ZFPM2: variants seen among roughly 807,000 people sequenced by gnomAD.
ZFPM2 encodes zinc finger protein ZFPM2.
Under a neutral mutation model 98.6 loss-of-function variants are expected in ZFPM2, and 20 were observed. That is an observed-to-expected ratio of 0.20 (90% confidence interval 0.14 to 0.29). The LOEUF (loss-of-function observed/expected upper bound fraction) is 0.29. Among genes scored for constraint, ZFPM2 ranks in the 10% least tolerant of loss-of-function variants. The pLI is 1.00. For synonymous variants in ZFPM2, 518 were observed against 502.7 expected (o/e 1.03, Z -0.41); for missense variants, 1,310 against 1,388.6 (o/e 0.94, Z 0.90).
At chr8:105,777,905 G>T (rs571840945) in intron 5 of ZFPM2, among the ~76,000 whole-genome samples, 35 of 152,084 alleles carry the variant, frequency 2.3e-4, no homozygotes, top group Non-Finnish European at 3.8e-4. Flanking sequence ...CTCTGTGCTG[G>T]GCTCCCTTTT....
chr8:105,532,481 CTA>C (rs1465789329), intron 3 of ZFPM2, among the ~76,000 whole-genome samples: 3 of 152,102 alleles, frequency 2.0e-5, no homozygotes, highest in Non-Finnish European at 4.4e-5. Context: ...TGGTATTGCT[CTA>C]CAGCCATAAG....
rs752813569 is a variant in ZFPM2, at chr8:105,419,116, G to A, written c.41-28G>A. On this transcript the variant is annotated intron_variant, in intron 1 of 7. Coordinates refer to ENST00000407775, the MANE Select transcript of ZFPM2 (RefSeq NM_012082.4). ...TTCACTGTCTTCCTTGCATATTTTTGGTACAGTTTCCCTGATTCTTTTTCA... is the reference window on the plus strand; with the variant it reads ...TTCACTGTCTTCCTTGCATATTTTTAGTACAGTTTCCCTGATTCTTTTTCA... 14 of 1,597,600 alleles carry A rather than the reference G, an allele frequency of 8.8e-6. No individual in the cohort carries two copies. The East Asian group carries it at 2.9e-4, about 33-fold the overall frequency.
intron 4 of ZFPM2, among the ~76,000 whole-genome samples, chr8:105,632,410 G>T (rs1816770900): frequency 6.6e-6 from 1 of 152,050 alleles, no homozygotes; most frequent in Admixed American, 6.6e-5. Flanking sequence ...CCTCAAGTGA[G>T]TCATCCACTT....
At chr8:105,498,018 C>T (rs1453769114) in intron 3 of ZFPM2, among the ~76,000 whole-genome samples, 1 of 143,146 alleles carries the variant, frequency 7.0e-6, no homozygotes, top group East Asian at 2.0e-4. Context: ...AGGCCCTCCC[C>T]GTCTCTACCA....
chr8:105,682,528 C>G (rs1810631151), intron 5 of ZFPM2, among the ~76,000 whole-genome samples: 1 of 152,118 alleles, frequency 6.6e-6, no homozygotes, highest in South Asian at 2.1e-4. Context: ...GAATGGAAAA[C>G]TATTGGAGAG....
chr8:105,387,402 T>C (rs1244532446), intron 1 of ZFPM2: 3 of 156,362 alleles, frequency 1.9e-5, no homozygotes, highest in Non-Finnish European at 4.2e-5. Context: ...TCGGGGAGGC[T>C]CCGGCTGCGC....
At chr8:105,639,651 A>G (rs891609917) in intron 5 of ZFPM2, among the ~76,000 whole-genome samples, 68 of 152,222 alleles carry the variant, frequency 4.5e-4, no homozygotes, top group African/African-American at 1.6e-3. Context: ...ACCCATTTAC[A>G]TGATTGCAGA....
chr8:105,569,229 C>T (rs1330028274), intron 4 of ZFPM2, among the ~76,000 whole-genome samples: 2 of 152,168 alleles, frequency 1.3e-5, no homozygotes, highest in Admixed American at 1.3e-4. Flanking sequence ...ATCTTTCTAT[C>T]CTTCCCACTT....
chr8:105,600,352 A>G (rs1282044956), intron 4 of ZFPM2, among the ~76,000 whole-genome samples: 3 of 152,132 alleles, frequency 2.0e-5, no homozygotes. Context: ...TGCTTCTGTC[A>G]AGTTTATAAA....
rs866329750 is a variant in ZFPM2 at position 105,528,841 on chromosome 8, T to G, written c.302-32522T>G. ...TATGGGCACAATACATACCATGATA[T>G]TCAGCCACATCTCTTTTCATTCCAG... On this transcript the variant is annotated intron_variant, in intron 3 of 7. Transcript: ENST00000407775. 11 of 152,172 alleles carry G rather than the reference T, an allele frequency of 7.2e-5. No homozygotes were observed. In the South Asian group the frequency reaches 1.2e-3, roughly 17 times the overall value. The allele number at this position is 152,172 out of a possible 1,614,324, so 9.4% of individuals were successfully genotyped here.
chr8:105,669,787 G>A (rs1817555185), intron 5 of ZFPM2, among the ~76,000 whole-genome samples: 1 of 152,156 alleles, frequency 6.6e-6, no homozygotes, highest in South Asian at 2.1e-4. Context: ...TCCGACTACA[G>A]CTATGTCATG....
chr8:105,658,381 G>A (rs1817325272), intron 5 of ZFPM2, among the ~76,000 whole-genome samples: 1 of 43,588 alleles, frequency 2.3e-5, no homozygotes, highest in South Asian at 4.6e-4. Context: ...GAGGTCAGGA[G>A]ATCGAGACCA....
At chr8:105,724,812 A>G (rs1334343060) in intron 5 of ZFPM2, among the ~76,000 whole-genome samples, 1 of 151,752 alleles carries the variant, frequency 6.6e-6, no homozygotes, top group Admixed American at 6.6e-5. Context: ...AAGTGTCTAC[A>G]TATATTTTAT....
At chr8:105,352,586 C>CG (rs1195636339) in intron 1 of ZFPM2, among the ~76,000 whole-genome samples, 2 of 149,040 alleles carry the variant, frequency 1.3e-5, no homozygotes, top group African/African-American at 5.0e-5. Flanking sequence ...CCCATTTTAC[C>CG]GTTTTTTTTT....
chr8:105,560,938 A>G (rs1030753007), intron 3 of ZFPM2, among the ~76,000 whole-genome samples: 79 of 152,306 alleles, frequency 5.2e-4, no homozygotes, highest in Middle Eastern at 3.4e-3. Flanking sequence ...ATTTCAGAAA[A>G]TTACCAAGTA....
At chr8:105,512,886 G>A (rs1032349183) in intron 3 of ZFPM2, among the ~76,000 whole-genome samples, 2 of 151,898 alleles carry the variant, frequency 1.3e-5, no homozygotes, top group African/African-American at 2.4e-5. Flanking sequence ...ATGTATATGT[G>A]TGTGTGTGTG....
chr8:105,372,041 A>T (rs932891684), intron 1 of ZFPM2, among the ~76,000 whole-genome samples: 1 of 75,878 alleles, frequency 1.3e-5, no homozygotes, highest in African/African-American at 4.9e-5. Context: ...TATTATTATT[A>T]TTATTATTTT....
At chr8:105,751,851 A>G (rs1003598821) in intron 5 of ZFPM2, among the ~76,000 whole-genome samples, 15 of 151,944 alleles carry the variant, frequency 9.9e-5, no homozygotes, top group Non-Finnish European at 1.9e-4. Flanking sequence ...TTGAAGCTGC[A>G]TTCTTGCTGC....
At chr8:105,603,973 A>G (rs1230727051) in intron 4 of ZFPM2, among the ~76,000 whole-genome samples, 1 of 151,948 alleles carries the variant, frequency 6.6e-6, no homozygotes, top group Non-Finnish European at 1.5e-5. Flanking sequence ...TTTTCTTTAG[A>G]TGGTCTCATA....
Sources: allele counts gnomAD v4.1 joint callset (sites outside exome capture counted in the v4.1 genomes callset), GRCh38; gene constraint gnomAD v4.1.1; transcripts MANE v1.5; gene names NCBI Gene and HGNC (gene_info 2026-07-23, HGNC 2026-07-21).